SPINK8: variants seen among roughly 807,000 people sequenced by gnomAD.
SPINK8 encodes the protein serine protease inhibitor Kazal-type 8.
SPINK8 carries 12 observed loss-of-function variants against 14.4 expected under a neutral mutation model. The ratio of observed to expected loss-of-function variants is 0.83; its 90% confidence interval spans 0.53 to 1.35. The LOEUF (loss-of-function observed/expected upper bound fraction) is 1.35. SPINK8 is among the 40% of genes most tolerant of loss of function. The probability of loss-of-function intolerance (pLI) is 0.00; values close to 1 mark genes in which losing one functional copy is unlikely to be tolerated. For missense variants in SPINK8, 103 were observed against 117.0 expected (o/e 0.88, Z 0.55); for synonymous variants, 32 against 37.6 (o/e 0.85, Z 0.55).
In SPINK8 at chr3:48,319,625, G is replaced by A. The variant is rs957645542; in HGVS notation, c.118-7C>T. 1 of 1,613,642 alleles carries A rather than the reference G, an allele frequency of 6.2e-7. No individual in the cohort carries two copies. The highest frequency in any genetic ancestry group is 1.3e-5 in the African/African-American group (1 of 74,878). On this transcript the variant is annotated splice_region_variant and splice_polypyrimidine_tract_variant and intron_variant, in intron 5 of 7. Transcript: ENST00000434006. ...CATTCTTGAGGCATTCAACCTGAAG[G>A]TGAGACACACACAACTGCTTCAGAC...
intron 1 of SPINK8, among the ~76,000 whole-genome samples, chr3:48,333,012 G>A (rs1318111959): frequency 6.6e-6 from 1 of 151,866 alleles, no homozygotes; most frequent in Non-Finnish European, 1.5e-5. Flanking sequence ...CACCGTTTGT[G>A]TTGAAGGGGG....
At chr3:48,316,228 A>G (rs1215674715) in intron 6 of SPINK8, 2 of 153,518 alleles carry the variant, frequency 1.3e-5, no homozygotes, top group Non-Finnish European at 1.5e-5. Context: ...AACTTCATCC[A>G]GTAAGTTCAA....
At chr3:48,307,990 T>TC (rs1360280454) in intron 7 of SPINK8, among the ~76,000 whole-genome samples, 2 of 126,720 alleles carry the variant, frequency 1.6e-5, no homozygotes, top group Non-Finnish European at 1.8e-5. Flanking sequence ...TTTTTTTTTT[T>TC]TGAGACGGAG....
intron 7 of SPINK8, among the ~76,000 whole-genome samples, chr3:48,307,539 CCA>C (rs35694909): frequency 0.088 from 7,367 of 83,562 alleles, 685 homozygotes; most frequent in African/African-American, 0.17. Context: ...TATCTGCCCC[CCA>C]CCCCCCCACC....
At chr3:48,318,749 G>C (rs2036028306) in intron 6 of SPINK8, among the ~76,000 whole-genome samples, 1 of 152,230 alleles carries the variant, frequency 6.6e-6, no homozygotes, top group Non-Finnish European at 1.5e-5. Flanking sequence ...TGGAGGAGAA[G>C]CTAAGAAGAG....
rs182471026 is a variant in SPINK8, at chr3:48,317,320, C to A, written c.239+2177G>T. 1.9e-3 allele frequency among the ~76,000 whole-genome samples: 291 copies of A among 152,138 alleles called. 3 individuals carry two copies. Among genetic ancestry groups the A allele is most frequent in the African/African-American group, 6.5e-3 (269 of 41,500 alleles). ...CCTGGCCAACATGGTGAAACCCCAT[C>A]TCTACAAAAATACAAAAATTAGCTA... is the stretch of plus-strand genomic sequence containing the variant. On this transcript the variant is annotated intron_variant, in intron 6 of 7. Transcript: ENST00000434006.
At chr3:48,315,034 T>C (rs575579826) in intron 6 of SPINK8, among the ~76,000 whole-genome samples, 1 of 152,352 alleles carries the variant, frequency 6.6e-6, no homozygotes, top group East Asian at 1.9e-4. Context: ...GTTTTTGTTG[T>C]CAAAGACTGG....
chr3:48,318,114 T>G (rs1275012599), intron 6 of SPINK8, among the ~76,000 whole-genome samples: 2 of 152,074 alleles, frequency 1.3e-5, no homozygotes, highest in Admixed American at 1.3e-4. Context: ...GAATTTAACT[T>G]GTAATATCCA....
chr3:48,320,938 C>T, intron 5 of SPINK8, 87 bp downstream of exon 5: 2 of 1,378,186 alleles, frequency 1.5e-6, no homozygotes, highest in Non-Finnish European at 2.0e-6. Flanking sequence ...CTCCACTGCC[C>T]ACCTCCCAGA....
intron 4 of SPINK8, 60 bp from the exon 5 acceptor site, chr3:48,321,134 A>T (rs1406740715): frequency 1.5e-5 from 22 of 1,507,370 alleles, no homozygotes; most frequent in Non-Finnish European, 1.9e-5. Context: ...TCAGCGAAAA[A>T]GGTAAGATGA....
chr3:48,319,236 T>G (rs1324486589), intron 6 of SPINK8, among the ~76,000 whole-genome samples: 1 of 152,212 alleles, frequency 6.6e-6, no homozygotes, highest in Non-Finnish European at 1.5e-5. Context: ...TGTTTCTGAG[T>G]GCCTCCACTT....
At position 48,327,844 on chromosome 3, in the gene SPINK8, AAAC is replaced by A. The variant is rs539217206; in HGVS notation, c.67+428_67+430del. 1.8e-3 allele frequency among the ~76,000 whole-genome samples: 277 copies of A among 152,348 alleles called. 1 individual carries two copies. Among genetic ancestry groups the A allele is most frequent in the African/African-American group, 3.1e-3 (129 of 41,578 alleles). Reference sequence around the variant, plus strand: ...AAAGAGTTGCAGAAATCGAATAGAAAAACAACATGTTGAGGCCTTCAGAGATTC... The same window carrying A: ...AAAGAGTTGCAGAAATCGAATAGAAAAACATGTTGAGGCCTTCAGAGATTC... On this transcript the variant is annotated intron_variant, in intron 4 of 7. Transcript: ENST00000434006.
At position 48,321,128 on chromosome 3, in the gene SPINK8, C is replaced by T. The variant is rs757189694; in HGVS notation, c.68-54G>A. 2.1e-5 allele frequency: 32 copies of T among 1,528,166 alleles called. No homozygotes were observed. In the Middle Eastern group the frequency reaches 5.1e-4, roughly 24 times the overall value. The allele number at this position is 1,528,166 out of a possible 1,614,324, so 94.7% of individuals were successfully genotyped here. ...TTGCTTCTCTGTCTTCTGCCCTCAG[C>T]GAAAAAGGTAAGATGAGGGGAACCC... On this transcript the variant is annotated intron_variant, in intron 4 of 7. Coordinates refer to ENST00000434006, the MANE Select transcript of SPINK8 (RefSeq NM_001080525.3).
Position 48,321,022 on chromosome 3 carries a change from CA to C in SPINK8, c.117+2del. The C allele has an allele frequency of 1.9e-6, 3 of 1,588,956 alleles. No homozygotes were observed. Among genetic ancestry groups the C allele is most frequent in the Non-Finnish European group, 2.6e-6 (3 of 1,166,532 alleles). ...TATTAGGAACCAAGGAAGCAGTACT[CA>C]CTATTGTTTTGTCTAGCTGACCTCT... On this transcript the variant is annotated splice_donor_variant, in intron 5 of 7. Coordinates refer to ENST00000434006, the MANE Select transcript of SPINK8 (RefSeq NM_001080525.3). LOFTEE classifies it high-confidence loss of function.
At chr3:48,327,344 C>T (rs544234827) in intron 4 of SPINK8, among the ~76,000 whole-genome samples, 22 of 152,266 alleles carry the variant, frequency 1.4e-4, no homozygotes, top group African/African-American at 3.1e-4. Context: ...TTCTATCAAC[C>T]GAACTTAGTC....
chr3:48,308,470 T>G (rs766805291), intron 7 of SPINK8, among the ~76,000 whole-genome samples: 6 of 152,222 alleles, frequency 3.9e-5, no homozygotes, highest in Non-Finnish European at 8.8e-5. Context: ...ACATTTGAAA[T>G]AAATGAATAA....
chr3:48,314,464 G>C (rs1377195303), intron 6 of SPINK8, among the ~76,000 whole-genome samples: 1 of 152,066 alleles, frequency 6.6e-6, no homozygotes, highest in African/African-American at 2.4e-5. Context: ...AGCATTCCCA[G>C]TTCCATGGTA....
At chr3:48,315,202 A>G (rs2035970405) in intron 6 of SPINK8, among the ~76,000 whole-genome samples, 1 of 152,246 alleles carries the variant, frequency 6.6e-6, no homozygotes, top group Admixed American at 6.5e-5. Flanking sequence ...GGCAACAACA[A>G]CAAATAACAG....
chr3:48,312,865 G>A (rs554842751), intron 6 of SPINK8, among the ~76,000 whole-genome samples: 5 of 152,000 alleles, frequency 3.3e-5, no homozygotes, highest in South Asian at 2.1e-4. Flanking sequence ...GGGCGTGGTG[G>A]TGCACACCTG....
Sources: gnomAD v4.1 joint callset for allele counts (sites outside exome capture counted in the v4.1 genomes callset) on GRCh38, gnomAD v4.1.1 for gene constraint, MANE v1.5 for transcripts, NCBI Gene and HGNC (gene_info 2026-07-23, HGNC 2026-07-21) for gene names.